Variants in SH3BP5 observed in about 807,000 individuals in gnomAD.
SH3BP5 encodes SH3 domain binding protein 5, also known as SH3 domain-binding protein 5.
A neutral mutation model predicts 43.3 loss-of-function variants in SH3BP5; 22 were observed. That is an observed-to-expected ratio of 0.51 (90% CI 0.36 to 0.73). The LOEUF is 0.73. SH3BP5 is among the 30% of genes least tolerant of loss of function. SH3BP5 has a pLI of 0.00. For missense variants in SH3BP5, 529 were observed against 586.9 expected (o/e 0.90, Z 1.02); for synonymous variants, 255 against 225.8 (o/e 1.13, Z -1.16).
In SH3BP5 at chr3:15,300,507, CG is replaced by C. The variant is rs869133759; in HGVS notation, c.330+3595del. Among the ~76,000 whole-genome samples, 24 of 10,526 alleles carry C rather than the reference CG, an allele frequency of 2.3e-3. No individual in the cohort carries two copies. In the East Asian group the frequency reaches 0.17, roughly 75 times the overall value. 6.9% of individuals were successfully genotyped at this position (10,526 alleles called of 152,430 possible). A position where few individuals can be genotyped will look rare whatever the true frequency, so the allele number is the denominator to read the frequency against. On this transcript the variant is annotated intron_variant, in intron 3 of 8. Coordinates refer to ENST00000383791, the MANE Select transcript of SH3BP5 (RefSeq NM_004844.5). ...TGTAAATATAAAAAGGAAGCGGGGG[CG>C]GGGGGACAAGAGGAAGAAAACAGGA...
chr3:15,331,952 T>G, intron 1 of SH3BP5: 3 of 280,488 alleles, frequency 1.1e-5, no homozygotes, highest in Middle Eastern at 1.1e-3. Context: ...CCCCCGAGGA[T>G]ACCATGGCGC....
chr3:15,260,032 T>C, intron 5 of SH3BP5: 1 of 575,718 alleles, frequency 1.7e-6, no homozygotes, highest in Non-Finnish European at 3.1e-6. Context: ...AGGAGGCCCA[T>C]CTCAAGACAC....
chr3:15,330,708 G>A, intron 1 of SH3BP5, 142 bp from the exon 2 acceptor site: 2 of 1,401,262 alleles, frequency 1.4e-6, no homozygotes, highest in Non-Finnish European at 1.9e-6. Flanking sequence ...ACGGCAAACA[G>A]TTGAGGCTTG....
chr3:15,298,994 T>C (rs1186993274), intron 3 of SH3BP5, among the ~76,000 whole-genome samples: 3 of 152,024 alleles, frequency 2.0e-5, no homozygotes, highest in African/African-American at 7.3e-5. Context: ...ATGGTAAAAA[T>C]GGTACATTTT....
At chr3:15,304,974 C>T (rs921296348) in intron 2 of SH3BP5, among the ~76,000 whole-genome samples, 2 of 151,424 alleles carry the variant, frequency 1.3e-5, no homozygotes, top group East Asian at 1.9e-4. Flanking sequence ...AAAAATTAGC[C>T]GGGCATAGTG....
At chr3:15,298,805 G>A (rs1697650125) in intron 3 of SH3BP5, among the ~76,000 whole-genome samples, 2 of 152,280 alleles carry the variant, frequency 1.3e-5, no homozygotes, top group Non-Finnish European at 1.5e-5. Flanking sequence ...TGGGAGAGGG[G>A]AGGATTGGGG....
At chr3:15,309,925 A>C in intron 2 of SH3BP5, among the ~76,000 whole-genome samples, 1 of 149,270 alleles carries the variant, frequency 6.7e-6, no homozygotes, top group East Asian at 2.1e-4. Flanking sequence ...CCATAAGAAA[A>C]AGCCCACCCA....
chr3:15,334,322 C>T (rs1473885374), upstream of SH3BP5, among the ~76,000 whole-genome samples: 2 of 152,104 alleles, frequency 1.3e-5, no homozygotes, highest in Non-Finnish European at 2.9e-5. Context: ...ACAGGCAGTA[C>T]TATATACAGT....
intron 2 of SH3BP5, among the ~76,000 whole-genome samples, chr3:15,323,082 T>C (rs1197397805): frequency 1.3e-5 from 2 of 151,980 alleles, no homozygotes; most frequent in Non-Finnish European, 2.9e-5. Context: ...GTGGTTGCAG[T>C]GGCAGAGATC....
At chr3:15,262,332 G>C in intron 4 of SH3BP5, 43 bp from the exon 5 acceptor site, 1 of 1,600,614 alleles carries the variant, frequency 6.2e-7, no homozygotes, top group Non-Finnish European at 8.5e-7. Context: ...GCCCAGAACA[G>C]CCCAGGCTTG....
At chr3:15,279,753 C>T (rs941435944) in intron 3 of SH3BP5, among the ~76,000 whole-genome samples, 2 of 152,098 alleles carry the variant, frequency 1.3e-5, no homozygotes, top group African/African-American at 4.8e-5. Context: ...CCAGACTAAC[C>T]AGGGGTGAGT....
intron 3 of SH3BP5, among the ~76,000 whole-genome samples, 165 bp downstream of exon 3, chr3:15,303,936 AGT>A (rs1697825148): frequency 1.3e-5 from 2 of 152,158 alleles, no homozygotes; most frequent in African/African-American, 4.8e-5. Flanking sequence ...CCCTATTAAT[AGT>A]GTCGAGCACT....
chr3:15,290,543 A>G (rs1251267281), intron 3 of SH3BP5, among the ~76,000 whole-genome samples: 2 of 149,452 alleles, frequency 1.3e-5, no homozygotes, highest in African/African-American at 4.9e-5. Context: ...AAAAAAAAAA[A>G]AAAAAATTAG....
intron 3 of SH3BP5, among the ~76,000 whole-genome samples, chr3:15,279,813 T>A (rs148743270): frequency 1.1e-3 from 170 of 152,246 alleles, no homozygotes; most frequent in African/African-American, 3.7e-3. Flanking sequence ...CATCAAGCAC[T>A]GAGCCCACCT....
At chr3:15,330,778 T>C in intron 1 of SH3BP5, 1 of 984,554 alleles carries the variant, frequency 1.0e-6, no homozygotes, top group South Asian at 4.7e-5. Flanking sequence ...GTGTCCCTTT[T>C]GACAATGTCT....
At chr3:15,308,068 GC>G (rs2125117186) in intron 2 of SH3BP5, among the ~76,000 whole-genome samples, 1 of 152,212 alleles carries the variant, frequency 6.6e-6, no homozygotes, top group East Asian at 1.9e-4. Flanking sequence ...AGCAGAAGGT[GC>G]CCCCTTAGGC....
At chr3:15,332,027 G>A (rs752653293) in intron 1 of SH3BP5, 12 of 557,786 alleles carry the variant, frequency 2.2e-5, no homozygotes, top group Non-Finnish European at 3.4e-5. Flanking sequence ...CACCGACCCC[G>A]ATCCTGCTAC....
intron 2 of SH3BP5, among the ~76,000 whole-genome samples, chr3:15,320,694 C>T (rs1698304539): frequency 6.6e-6 from 1 of 150,486 alleles, no homozygotes; most frequent in Admixed American, 6.6e-5. Context: ...AATAACAGCT[C>T]AAAATTAAAA....
chr3:15,266,680 C>T (rs539228102), intron 4 of SH3BP5, among the ~76,000 whole-genome samples: 1 of 152,378 alleles, frequency 6.6e-6, no homozygotes, highest in East Asian at 1.9e-4. Context: ...GTTGGCAGCT[C>T]TGCCACAAGC....
Sources: gnomAD v4.1 joint callset for allele counts (sites outside exome capture counted in the v4.1 genomes callset) on GRCh38, gnomAD v4.1.1 for gene constraint, MANE v1.5 for transcripts, NCBI Gene and HGNC (gene_info 2026-07-23, HGNC 2026-07-21) for gene names.